Variants in TANC1 observed in about 807,000 individuals in gnomAD.
TANC1 encodes protein TANC1.
A neutral mutation model predicts 149.7 loss-of-function variants in TANC1; 77 were observed. That is an observed-to-expected ratio of 0.51 (90% CI 0.43 to 0.62). The LOEUF (loss-of-function observed/expected upper bound fraction) is 0.62, where lower values mean the gene tolerates loss of function less well. TANC1 is among the 20% of genes least tolerant of loss of function. TANC1 has a pLI of 0.00. For missense variants in TANC1, 1,985 were observed against 2,321.8 expected, an observed-to-expected ratio of 0.85 and a Z score of 2.98; for synonymous variants, 854 against 925.0, an observed-to-expected ratio of 0.92 and a Z score of 1.39.
chr2:159,034,347 A>C (rs1237276896), intron 2 of TANC1, among the ~76,000 whole-genome samples: 1 of 152,166 alleles, frequency 6.6e-6, no homozygotes. Context: ...TTTGAGGCAT[A>C]AATATTTCCC....
At chr2:159,163,148 G>T in intron 7 of TANC1, 135 bp from the exon 8 acceptor site, 1 of 860,024 alleles carries the variant, frequency 1.2e-6, no homozygotes. Context: ...TACATTGTAT[G>T]GAACATACTT....
rs774295718 is a variant in TANC1, at chr2:159,157,639, G to A, written c.683-5644G>A. 3.3e-4 allele frequency among the ~76,000 whole-genome samples: 50 copies of A among 152,166 alleles called. 1 individual carries two copies. The highest frequency in any genetic ancestry group is 1.5e-4 in the Non-Finnish European group (10 of 68,016). ...GTTCTTAGTCACAGGAGGCAGTCTC[G>A]CTACAGTAGTGGGCTTTTCCTTTTC... is the stretch of plus-strand genomic sequence containing the variant. On this transcript the variant is annotated intron_variant, in intron 7 of 26. Transcript: ENST00000263635.
At chr2:159,047,929 A>G (rs569404150) in intron 2 of TANC1, among the ~76,000 whole-genome samples, 87 of 152,354 alleles carry the variant, frequency 5.7e-4, no homozygotes, top group Non-Finnish European at 1.0e-3. Flanking sequence ...AATACAACAC[A>G]TTAGTGACCA....
chr2:159,052,492 C>T (rs1248816484), intron 2 of TANC1, among the ~76,000 whole-genome samples: 1 of 152,154 alleles, frequency 6.6e-6, no homozygotes, highest in African/African-American at 2.4e-5. Flanking sequence ...AAGGCACTCC[C>T]CAGAAGTGGG....
intron 1 of TANC1, among the ~76,000 whole-genome samples, chr2:158,981,793 C>T (rs2034419794): frequency 1.3e-5 from 2 of 151,536 alleles, no homozygotes; most frequent in Admixed American, 1.3e-4. Flanking sequence ...TAAAATAATA[C>T]TCCATAGACA....
rs544597034 is a variant in TANC1, at chr2:159,101,308, T to G, written c.259+3474T>G. ...ACTACAAACCCCTGTAAGAAGACAC[T>G]CTGAACAACACAGCCTGTAATAATA... On this transcript the variant is annotated intron_variant, in intron 4 of 26. Transcript: ENST00000263635. 2.7e-3 allele frequency among the ~76,000 whole-genome samples: 417 copies of G among 152,320 alleles called. 3 individuals are homozygous for G. Among genetic ancestry groups the G allele is most frequent in the African/African-American group, 9.7e-3 (403 of 41,578 alleles).
At chr2:159,008,319 C>A (rs544942627) in intron 2 of TANC1, among the ~76,000 whole-genome samples, 1 of 152,230 alleles carries the variant, frequency 6.6e-6, no homozygotes, top group Admixed American at 6.5e-5. Context: ...ACAGCTGTGC[C>A]CTATTGAGGG....
intron 4 of TANC1, among the ~76,000 whole-genome samples, chr2:159,123,742 C>T (rs2049097347): frequency 6.6e-6 from 1 of 152,170 alleles, no homozygotes; most frequent in Non-Finnish European, 1.5e-5. Flanking sequence ...CACCTGAGTA[C>T]ATAGCTCTGT....
intron 2 of TANC1, among the ~76,000 whole-genome samples, chr2:159,017,745 A>T (rs1239192301): frequency 6.6e-6 from 1 of 152,088 alleles, no homozygotes; most frequent in Non-Finnish European, 1.5e-5. Flanking sequence ...ATTAGGACAA[A>T]TACCTAATGC....
In TANC1 at chr2:159,186,890, G is replaced by T. The variant is rs569531267; in HGVS notation, c.2620-12G>T. On this transcript the variant is annotated splice_polypyrimidine_tract_variant and intron_variant, in intron 15 of 26. Transcript: ENST00000263635. ...TCTGATTGTTTCCAAGATCTGTCTC[G>T]ATTGTTTCCAGGGCCTCAGTAAGAA... is the stretch of plus-strand genomic sequence containing the variant. 4 of 1,614,030 alleles carry T rather than the reference G, an allele frequency of 2.5e-6. No homozygotes were observed. Among genetic ancestry groups the T allele is most frequent in the Non-Finnish European group, 3.4e-6 (4 of 1,180,026 alleles).
At chr2:159,070,856 A>T (rs2043095692) in intron 3 of TANC1, among the ~76,000 whole-genome samples, 1 of 152,234 alleles carries the variant, frequency 6.6e-6, no homozygotes, top group South Asian at 2.1e-4. Flanking sequence ...ATCTAATTGC[A>T]GCTCATTATG....
At chr2:159,085,982 C>G (rs1482508146) in intron 3 of TANC1, among the ~76,000 whole-genome samples, 1 of 152,146 alleles carries the variant, frequency 6.6e-6, no homozygotes, top group African/African-American at 2.4e-5. Flanking sequence ...GCAGTAATCT[C>G]AGGGCTTGGT....
At chr2:159,127,217 C>T (rs201681584) in intron 4 of TANC1, among the ~76,000 whole-genome samples, 1 of 152,136 alleles carries the variant, frequency 6.6e-6, no homozygotes, top group South Asian at 2.1e-4. Flanking sequence ...AAAAAAAGCT[C>T]AACATCACTG....
chr2:159,189,825 A>G (rs1168206028), intron 16 of TANC1, among the ~76,000 whole-genome samples: 2 of 152,196 alleles, frequency 1.3e-5, no homozygotes, highest in East Asian at 3.9e-4. Flanking sequence ...AGAATCTCCA[A>G]GAGTGGGGCC....
chr2:159,164,732 T>C (rs2054400037), intron 8 of TANC1, among the ~76,000 whole-genome samples: 1 of 152,216 alleles, frequency 6.6e-6, no homozygotes, highest in South Asian at 2.1e-4. Context: ...ATGCGGTGGG[T>C]CACTCTGGTG....
intron 4 of TANC1, among the ~76,000 whole-genome samples, chr2:159,122,521 A>G (rs1180155677): frequency 6.6e-6 from 1 of 152,164 alleles, no homozygotes; most frequent in Non-Finnish European, 1.5e-5. Flanking sequence ...TGTCAAATGC[A>G]CAGTTGTGTA....
intron 1 of TANC1, among the ~76,000 whole-genome samples, chr2:158,970,902 A>G (rs935607123): frequency 1.3e-5 from 2 of 152,220 alleles, no homozygotes; most frequent in Non-Finnish European, 2.9e-5. Flanking sequence ...TGTTGCTGGA[A>G]CTTGGAAGCA....
chr2:159,085,915 C>T, intron 3 of TANC1, among the ~76,000 whole-genome samples: 1 of 152,218 alleles, frequency 6.6e-6, no homozygotes. Context: ...AATGTAAATC[C>T]TGTCATGTTA....
Position 159,215,823 on chromosome 2 carries a change from C to G in TANC1, c.3245-1674C>G, listed in dbSNP as rs115273619. On this transcript the variant is annotated intron_variant, in intron 19 of 26. Transcript: ENST00000263635. ...GTTAAGTTTGTGAGACTGACTTGGT[C>G]AGTCGTGTTTAGCCACATGGTGTTT... is the stretch of plus-strand genomic sequence containing the variant. 8.1e-3 allele frequency among the ~76,000 whole-genome samples: 1,236 copies of G among 152,326 alleles called. 20 individuals are homozygous for G. The highest frequency in any genetic ancestry group is 0.028 in the African/African-American group (1,153 of 41,574).
Sources: allele counts gnomAD v4.1 joint callset (sites outside exome capture counted in the v4.1 genomes callset), GRCh38; gene constraint gnomAD v4.1.1; transcripts MANE v1.5; gene names NCBI Gene and HGNC (gene_info 2026-07-23, HGNC 2026-07-21).